DKK2: variants seen among roughly 807,000 people sequenced by gnomAD.
The protein encoded by DKK2 is dickkopf Wnt signaling pathway inhibitor 2.
A neutral mutation model predicts 28.1 loss-of-function variants in DKK2; 11 were observed. The observed-to-expected ratio is 0.39, with a 90% CI of 0.25 to 0.65. The LOEUF (loss-of-function observed/expected upper bound fraction) is 0.65, where lower values mean the gene tolerates loss of function less well. Ranked by LOEUF, DKK2 falls within the 30% of genes least tolerant of loss-of-function variation. DKK2 has a pLI of 0.47. For missense variants in DKK2, 326 were observed against 335.5 expected (o/e 0.97, Z 0.22); for synonymous variants, 135 against 126.5 (o/e 1.07, Z -0.45).
At chr4:107,025,725 G>A (rs1204938303) in intron 1 of DKK2, among the ~76,000 whole-genome samples, 2 of 152,100 alleles carry the variant, frequency 1.3e-5, no homozygotes, top group Non-Finnish European at 2.9e-5. Context: ...CAATACAGTC[G>A]AAGCCACTTC....
At chr4:106,957,898 TATA>T (rs890826704) in intron 1 of DKK2, among the ~76,000 whole-genome samples, 12 of 150,508 alleles carry the variant, frequency 8.0e-5, no homozygotes, top group Non-Finnish European at 1.2e-4. Context: ...AAACTTAAAG[TATA>T]ATAATAATTA....
At chr4:107,011,166 C>A (rs1248566764) in intron 1 of DKK2, among the ~76,000 whole-genome samples, 1 of 151,320 alleles carries the variant, frequency 6.6e-6, no homozygotes, top group Non-Finnish European at 1.5e-5. Flanking sequence ...CAAAACTTGA[C>A]AGATGGTAGT....
Position 106,936,586 on chromosome 4 carries a change from C to A in DKK2, c.223-10637G>T, listed in dbSNP as rs996832033. Among the ~76,000 whole-genome samples, 120 of 152,206 alleles carry A rather than the reference C, an allele frequency of 7.9e-4. 1 individual carries two copies. Among genetic ancestry groups the A allele is most frequent in the African/African-American group, 2.6e-3 (109 of 41,528 alleles). The stretch of plus-strand genomic sequence containing the variant: ...AACTTCCCCAATCTAGCAAGGCAGG[C>A]CAACATTCAGATTCAGGAAATACAG... On this transcript the variant is annotated intron_variant, in intron 1 of 3. Coordinates refer to ENST00000285311, the MANE Select transcript of DKK2 (RefSeq NM_014421.3).
chr4:107,035,283 GT>G, intron 1 of DKK2, 86 bp downstream of exon 1: 15 of 1,464,358 alleles, frequency 1.0e-5, no homozygotes, highest in Non-Finnish European at 1.4e-5. Flanking sequence ...CGCTCCGAAT[GT>G]TGCAAGATGC....
intron 1 of DKK2, among the ~76,000 whole-genome samples, chr4:106,949,032 T>C (rs1724820179): frequency 1.3e-5 from 2 of 152,164 alleles, no homozygotes; most frequent in African/African-American, 4.8e-5. Context: ...AACCATTTTC[T>C]TTGCCCTTTC....
At position 106,925,899 on chromosome 4, in the gene DKK2, G is replaced by A; in HGVS notation, c.273C>T (p.His91=). ...DKECEVGRYC[H]SPHQGSSACM... ...AGGCCGATGATCCTTGGTGGGGACT[G>A]TGGCAATACCTCCCAACTTCACACT... The change falls in exon 2 of 4, where the codon CAC becomes CAT. Residue 91 remains histidine, a synonymous_variant. Coordinates refer to ENST00000285311, the MANE Select transcript of DKK2 (RefSeq NM_014421.3). 1 of 1,613,758 alleles carries A rather than the reference G, an allele frequency of 6.2e-7. No homozygotes were observed.
intron 1 of DKK2, among the ~76,000 whole-genome samples, chr4:106,960,141 CA>C (rs1560580430): frequency 1.3e-5 from 2 of 149,320 alleles, no homozygotes; most frequent in East Asian, 3.9e-4. Flanking sequence ...TACACACACA[CA>C]TATATATACA....
chr4:107,005,832 G>T (rs1048730520), intron 1 of DKK2, among the ~76,000 whole-genome samples: 6 of 152,050 alleles, frequency 3.9e-5, no homozygotes, highest in Non-Finnish European at 8.8e-5. Flanking sequence ...TTCTTCCACT[G>T]CATAAGCTAC....
chr4:106,985,852 A>C (rs550576460), intron 1 of DKK2, among the ~76,000 whole-genome samples: 10 of 151,742 alleles, frequency 6.6e-5, no homozygotes, highest in African/African-American at 2.2e-4. Context: ...GAAAAGAAAA[A>C]GAAAAAAAAT....
intron 1 of DKK2, among the ~76,000 whole-genome samples, chr4:106,929,590 C>T (rs575600747): frequency 6.6e-6 from 1 of 152,240 alleles, no homozygotes; most frequent in South Asian, 2.1e-4. Context: ...AAAACAAAGA[C>T]ATTTTCTGCA....
chr4:107,011,423 C>T (rs1291210008), intron 1 of DKK2, among the ~76,000 whole-genome samples: 1 of 151,504 alleles, frequency 6.6e-6, no homozygotes, highest in Non-Finnish European at 1.5e-5. Context: ...TGAAAATATA[C>T]TTGCTAAATA....
intron 3 of DKK2, 40 bp from the exon 4 acceptor site, chr4:106,924,244 C>CA: frequency 6.3e-7 from 1 of 1,576,510 alleles, no homozygotes; most frequent in Admixed American, 2.0e-5. Flanking sequence ...CCTGACACTT[C>CA]AGAAAAAAAA....
chr4:107,019,184 C>A (rs1223013316), intron 1 of DKK2, among the ~76,000 whole-genome samples: 2 of 151,940 alleles, frequency 1.3e-5, no homozygotes, highest in African/African-American at 4.8e-5. Context: ...AGAACTCCAA[C>A]TTGGGAAAAA....
chr4:106,978,806 A>G (rs1030294522), intron 1 of DKK2, among the ~76,000 whole-genome samples: 1 of 151,822 alleles, frequency 6.6e-6, no homozygotes. Context: ...AGAAAAAGAA[A>G]ACAAACAAAC....
chr4:106,964,986 T>TAGAC lies in DKK2; in HGVS notation c.223-39038_223-39037insGTCT, dbSNP rs1469679151. On this transcript the variant is annotated intron_variant, in intron 1 of 3. Transcript: ENST00000285311. ...ATAGATAGATAGATAGATAGATAGA[T>TAGAC]AGATAGATAGATAGATAGATTGATT... Among the ~76,000 whole-genome samples the TAGAC allele has an allele frequency of 2.5e-3, 369 of 150,398 alleles. 5 individuals carry two copies. Among genetic ancestry groups the TAGAC allele is most frequent in the Admixed American group, 0.023 (355 of 15,136 alleles).
intron 1 of DKK2, among the ~76,000 whole-genome samples, chr4:107,011,061 T>C (rs1264606693): frequency 6.6e-6 from 1 of 151,442 alleles, no homozygotes; most frequent in Non-Finnish European, 1.5e-5. Flanking sequence ...GTGGATGTTT[T>C]GATCTGGCTT....
chr4:107,023,284 A>T (rs1284465960), intron 1 of DKK2, among the ~76,000 whole-genome samples: 3 of 152,226 alleles, frequency 2.0e-5, no homozygotes, highest in Middle Eastern at 3.4e-3. Context: ...AAGAGTTTTC[A>T]TTTATTTTGG....
chr4:106,936,467 G>A (rs548358553), intron 1 of DKK2, among the ~76,000 whole-genome samples: 106 of 152,346 alleles, frequency 7.0e-4, no homozygotes, highest in African/African-American at 2.4e-3. Flanking sequence ...GGGACTATGT[G>A]AAAAGACCAA....
At chr4:106,939,530 G>A (rs1051306040) in intron 1 of DKK2, among the ~76,000 whole-genome samples, 1 of 152,024 alleles carries the variant, frequency 6.6e-6, no homozygotes, top group Admixed American at 6.6e-5. Context: ...ATGGCCATAC[G>A]GCCCAAGGTA....
Sources: gnomAD v4.1 joint callset for allele counts (sites outside exome capture counted in the v4.1 genomes callset) on GRCh38, gnomAD v4.1.1 for gene constraint, MANE v1.5 for transcripts, NCBI Gene and HGNC (gene_info 2026-07-23, HGNC 2026-07-21) for gene names.